Variants in IKBKB observed in about 807,000 individuals in gnomAD.
IKBKB encodes inhibitor of nuclear factor kappa B kinase subunit beta, also known as inhibitor of nuclear factor kappa-B kinase subunit beta.
A neutral mutation model predicts 113.6 loss-of-function variants in IKBKB; 42 were observed. That is an observed-to-expected ratio of 0.37 (90% confidence interval 0.29 to 0.48). IKBKB has a LOEUF of 0.48. Ranked by LOEUF, IKBKB falls within the 20% of genes least tolerant of loss-of-function variation. The pLI is 0.99. For missense variants in IKBKB, 673 were observed against 939.7 expected (o/e 0.72, Z 3.71); for synonymous variants, 296 against 361.3 (o/e 0.82, Z 2.05).
chr8:42,298,428 G>T (rs1814379949), intron 5 of IKBKB: 4 of 985,426 alleles, frequency 4.1e-6, no homozygotes, highest in Non-Finnish European at 3.6e-6. Flanking sequence ...AAAGAACAGA[G>T]GGTTTCAGAG....
chr8:42,325,680 A>G, intron 19 of IKBKB: 4 of 1,160,432 alleles, frequency 3.4e-6, no homozygotes, highest in Non-Finnish European at 4.3e-6. Flanking sequence ...TCTCAATCAT[A>G]ATCAATCAGT....
At position 42,316,698 on chromosome 8, in the gene IKBKB, G is replaced by A; in HGVS notation, c.931-12G>A. ...AAATCGGTTTTCCAGTAACATCTGG[G>A]TTGTGTTGCAGCTGGTTCATATCTT... On this transcript the variant is annotated splice_polypyrimidine_tract_variant and intron_variant, in intron 10 of 21. Transcript: ENST00000520810. The surrounding 1 kb of genome is among the most constrained non-coding windows in gnomAD (Gnocchi z 4.5). 3 of 1,606,840 alleles carry A rather than the reference G, an allele frequency of 1.9e-6. No individual in the cohort carries two copies. Among genetic ancestry groups the A allele is most frequent in the Non-Finnish European group, 2.6e-6 (3 of 1,174,530 alleles).
At position 42,272,159 on chromosome 8, in the gene IKBKB, G is replaced by T. The variant is rs749580126; in HGVS notation, c.59G>T (p.Arg20Leu). 2.5e-6 allele frequency: 4 copies of T among 1,614,074 alleles called. No homozygotes were observed. Among genetic ancestry groups the T allele is most frequent in the Non-Finnish European group, 2.5e-6 (3 of 1,180,048 alleles). Residue 20 changes from arginine (R) to leucine (L), a missense_variant, in exon 2 of 22, where the codon CGC becomes CTC. By Grantham distance (102) the Arg-to-Leu change is moderately radical. Transcript: ENST00000520810. ...QTCGAWEMKE[R>L]LGTGGFGNVI... ...TGTGGGGCCTGGGAAATGAAAGAGC[G>T]CCTTGGGACAGGGGGATTTGGAAAT...
intron 8 of IKBKB, among the ~76,000 whole-genome samples, chr8:42,312,926 A>G (rs1817994214): frequency 6.6e-6 from 1 of 152,242 alleles, no homozygotes; most frequent in East Asian, 1.9e-4. Flanking sequence ...AAAGAACACC[A>G]GACATTGGGT....
chr8:42,291,642 A>G (rs955143721), intron 4 of IKBKB, among the ~76,000 whole-genome samples: 2 of 149,218 alleles, frequency 1.3e-5, no homozygotes, highest in East Asian at 3.9e-4. Context: ...CTGTTCCTCC[A>G]GGCCCTTGTG....
Position 42,326,056 on chromosome 8 carries a change from C to G in IKBKB, c.2073C>G (p.Pro691=). 2 of 1,614,232 alleles carry G rather than the reference C, an allele frequency of 1.2e-6. No homozygotes were observed. The highest frequency in any genetic ancestry group is 8.5e-7 in the Non-Finnish European group (1 of 1,180,034). The change falls in exon 20 of 22, where the codon CCC becomes CCG. Residue 691 remains proline (P), a synonymous_variant. Transcript: ENST00000520810. ...AGCCTGGGCAGCTGATGTCTCAGCC[C>G]TCCACGGCCTCCAACAGCTTACCTG... The part of the protein sequence containing the change: ...LSQPGQLMSQ[P]STASNSLPEP...
chr8:42,274,106 C>G (rs181138160), intron 2 of IKBKB, among the ~76,000 whole-genome samples: 3 of 151,988 alleles, frequency 2.0e-5, no homozygotes, highest in African/African-American at 7.2e-5. Flanking sequence ...TCTTGGCTCA[C>G]TGCAACCTCC....
At position 42,316,998 on chromosome 8, in the gene IKBKB, T is replaced by C. The variant is rs764698749; in HGVS notation, c.1125+94T>C. 23 of 1,212,516 alleles carry C rather than the reference T, an allele frequency of 1.9e-5. No homozygotes were observed. The African/African-American group carries it at 2.7e-4, about 14-fold the overall frequency. 75.1% of individuals were successfully genotyped at this position (1,212,516 alleles called of 1,614,324 possible). A position where few individuals can be genotyped will look rare whatever the true frequency, so the allele number is the denominator to read the frequency against. On this transcript the variant is annotated intron_variant, in intron 11 of 21. Coordinates refer to ENST00000520810, the MANE Select transcript of IKBKB (RefSeq NM_001556.3). This position sits in a 1 kb window ranked among gnomAD's most constrained non-coding sequence, Gnocchi z 4.5. ...TTCAGATTTCAATTCTGCTTTGTCA[T>C]GTAGTCTGTTAATCACACAGTGCGG...
chr8:42,306,923 A>G (rs2130539625), intron 7 of IKBKB, among the ~76,000 whole-genome samples: 1 of 152,122 alleles, frequency 6.6e-6, no homozygotes, highest in Non-Finnish European at 1.5e-5. Flanking sequence ...TGTTTGAGTC[A>G]CTCATTCATT....
chr8:42,328,268 T>TA (rs1390742732), intron 20 of IKBKB, among the ~76,000 whole-genome samples: 1 of 147,632 alleles, frequency 6.8e-6, no homozygotes, highest in African/African-American at 2.5e-5. Context: ...TTTTTTTTTT[T>TA]AAATAAAAAT....
chr8:42,286,278 G>GTT (rs1488660796), intron 2 of IKBKB, among the ~76,000 whole-genome samples: 1 of 152,058 alleles, frequency 6.6e-6, no homozygotes, highest in African/African-American at 2.4e-5. Flanking sequence ...CGGTGTTAAG[G>GTT]ATTGGTTTAT....
chr8:42,299,001 G>T (rs1160667600), intron 5 of IKBKB, among the ~76,000 whole-genome samples: 1 of 152,022 alleles, frequency 6.6e-6, no homozygotes, highest in African/African-American at 2.4e-5. Flanking sequence ...CGTTCTTGTG[G>T]CCTGTTTCTC....
chr8:42,290,221 A>G lies in IKBKB; in HGVS notation c.266A>G (p.Asn89Ser), dbSNP rs763432993. 2.5e-5 allele frequency: 41 copies of G among 1,613,724 alleles called. No individual in the cohort carries two copies. The highest frequency in any genetic ancestry group is 4.4e-5 in the South Asian group (4 of 90,964). Residue 89 changes from asparagine (N) to serine (S), a missense_variant, in exon 4 of 22, where the codon AAT becomes AGT. This residue lies in a region of IKBKB where 167 missense variants were observed against 301.0 expected (regional missense o/e 0.55). Transcript: ENST00000520810. ...GAGGGGATGCAGAACTTGGCGCCCA[A>G]TGACCTGCCCCTGCTGGCCATGGAG... ...VPEGMQNLAP[N>S]DLPLLAMEYC...
intron 2 of IKBKB, among the ~76,000 whole-genome samples, chr8:42,283,529 C>T (rs781653735): frequency 2.6e-5 from 4 of 152,100 alleles, no homozygotes; most frequent in Non-Finnish European, 4.4e-5. Flanking sequence ...AGGAAGATGG[C>T]GGGACATGGC....
intron 1 of IKBKB, 70 bp from the exon 2 acceptor site, chr8:42,272,013 T>G: frequency 1.5e-5 from 22 of 1,464,876 alleles, no homozygotes; most frequent in African/African-American, 2.8e-5. Context: ...ATCTCTTGCC[T>G]TCTCCATCCC....
intron 5 of IKBKB, among the ~76,000 whole-genome samples, chr8:42,300,891 GT>G (rs1361727171): frequency 6.4e-4 from 97 of 152,324 alleles, no homozygotes; most frequent in African/African-American, 2.2e-3. Flanking sequence ...GTCTTGCTCT[GT>G]TGTCCGGGCT....
chr8:42,298,501 A>G (rs1814399986), intron 5 of IKBKB: 1 of 984,216 alleles, frequency 1.0e-6, no homozygotes, highest in Non-Finnish European at 1.2e-6. Flanking sequence ...TGCACTGTCT[A>G]GCATTGTGGA....
rs747369909 is a variant in IKBKB, at chr8:42,326,089, C to G, written c.2106C>G (p.Ala702=). Residue 702 remains alanine, a synonymous_variant, in exon 20 of 22, where the codon GCC becomes GCG. Transcript: ENST00000520810. ...STASNSLPEP[A]KKSEELVAEA... The stretch of plus-strand genomic sequence containing the variant: ...CCTCCAACAGCTTACCTGAGCCAGC[C>G]AAGAAGAGGTAGGTCCTCCTTAGCA... The G allele has an allele frequency of 6.2e-7, 1 of 1,614,094 alleles. No homozygotes were observed. The highest frequency in any genetic ancestry group is 2.2e-5 in the East Asian group (1 of 44,898).
At chr8:42,271,493 C>T (rs1268813598) in intron 1 of IKBKB, 24 bp downstream of exon 1, 90 of 916,802 alleles carry the variant, frequency 9.8e-5, no homozygotes, top group Non-Finnish European at 1.4e-4. Flanking sequence ...GTGGGTGCGG[C>T]CCGGGTGCCA....
Sources: allele counts gnomAD v4.1 joint callset (sites outside exome capture counted in the v4.1 genomes callset), GRCh38; gene constraint gnomAD v4.1.1; regional missense constraint gnomAD v4.1.1; non-coding constraint Gnocchi (gnomAD v3.1); transcripts MANE v1.5; gene names NCBI Gene and HGNC (gene_info 2026-07-23, HGNC 2026-07-21).